The following FAM50B variants were observed in gnomAD, a reference collection of about 807,000 sequenced individuals.
FAM50B encodes the protein family with sequence similarity 50 member B, also known as protein FAM50B.
Under a neutral mutation model 25.4 loss-of-function variants are expected in FAM50B, and 9 were observed. The ratio of observed to expected loss-of-function variants is 0.35; its 90% CI spans 0.21 to 0.62. The LOEUF is 0.62. Among genes scored for constraint, FAM50B ranks in the 20% least tolerant of loss-of-function variants. The pLI is 0.73. For synonymous variants in FAM50B, 212 were observed against 204.3 expected, an observed-to-expected ratio of 1.04 and a Z score of -0.32; for missense variants, 372 against 477.9, an observed-to-expected ratio of 0.78 and a Z score of 2.07.
the FAM50B span, among the ~76,000 whole-genome samples, chr6:3,838,616 G>A: frequency 6.6e-6 from 1 of 152,232 alleles, no homozygotes; most frequent in Admixed American, 6.5e-5. Context: ...GGCCGAGGCA[G>A]GCAGAACATG....
chr6:3,848,400 C>G (rs1056596649), upstream of FAM50B, among the ~76,000 whole-genome samples: 55 of 152,278 alleles, frequency 3.6e-4, 1 homozygote, highest in African/African-American at 1.3e-3. Context: ...TGTGGAGGAA[C>G]GTCATTCCAG....
upstream of FAM50B, among the ~76,000 whole-genome samples, chr6:3,848,138 G>A (rs1035880271): frequency 2.6e-5 from 4 of 152,226 alleles, no homozygotes; most frequent in Admixed American, 1.3e-4. Context: ...CACGAAGTGA[G>A]CACATGCTGC....
upstream of FAM50B, among the ~76,000 whole-genome samples, chr6:3,845,210 C>G (rs985347697): frequency 2.0e-5 from 3 of 152,140 alleles, no homozygotes; most frequent in Non-Finnish European, 2.9e-5. Context: ...GTATATCAGA[C>G]TTTTAGGATA....
At chr6:3,840,101 C>T in the FAM50B span, among the ~76,000 whole-genome samples, 12 of 152,224 alleles carry the variant, frequency 7.9e-5, no homozygotes, top group African/African-American at 2.9e-4. Context: ...CACGCCATTC[C>T]CCTGCCTCAG....
At chr6:3,845,767 T>C (rs1458584579), upstream of FAM50B, among the ~76,000 whole-genome samples, 1 of 151,992 alleles carries the variant, frequency 6.6e-6, no homozygotes, top group African/African-American at 2.4e-5. Context: ...CAGGCTGGAG[T>C]GCAGTGGTGC....
the FAM50B span, among the ~76,000 whole-genome samples, chr6:3,840,942 G>A: frequency 1.3e-5 from 2 of 152,220 alleles, no homozygotes; most frequent in Admixed American, 1.3e-4. Flanking sequence ...AGGGATAAAT[G>A]TTAAGCAACC....
Position 3,850,604 on chromosome 6 carries a change from C to T in FAM50B, c.793C>T (p.Leu265Phe). The change falls in exon 2 of 2, where the codon CTC becomes TTC. Residue 265 changes from leucine (L) to phenylalanine (F), a missense_variant. Leu to Phe is a conservative substitution (Grantham distance 22). This residue lies in a region of FAM50B where 27 missense variants were observed against 61.6 expected (regional missense o/e 0.44). Transcript: ENST00000648326. ...CAGGGCGAGGGGCAAGAGCGGGCCGCTCTTCAGCTTCGATGTGCACGATGA... is the reference window on the plus strand; with the variant it reads ...CAGGGCGAGGGGCAAGAGCGGGCCGTTCTTCAGCTTCGATGTGCACGATGA... Reference protein sequence around the residue: ...IARARGKSGPLFSFDVHDDVR... With the variant: ...IARARGKSGPFFSFDVHDDVR... The T allele has an allele frequency of 1.9e-6, 3 of 1,614,142 alleles. No homozygotes were observed. The highest frequency in any genetic ancestry group is 2.2e-5 in the East Asian group (1 of 44,872).
the FAM50B span, among the ~76,000 whole-genome samples, chr6:3,837,218 G>A: frequency 6.6e-6 from 1 of 152,148 alleles, no homozygotes; most frequent in Non-Finnish European, 1.5e-5. Context: ...CCATAAATGA[G>A]CAACCGATAA....
At chr6:3,838,659 T>G in the FAM50B span, among the ~76,000 whole-genome samples, 1 of 151,912 alleles carries the variant, frequency 6.6e-6, no homozygotes, top group Non-Finnish European at 1.5e-5. Flanking sequence ...CTGGTCAATA[T>G]GGTGAAACCC....
the FAM50B span, among the ~76,000 whole-genome samples, chr6:3,840,665 T>C: frequency 1.1e-4 from 16 of 152,248 alleles, no homozygotes; most frequent in South Asian, 3.3e-3. Context: ...CATCAGCAAA[T>C]GAGCTCACAG....
At chr6:3,848,942 A>C (rs2113029377), upstream of FAM50B, among the ~76,000 whole-genome samples, 1 of 151,902 alleles carries the variant, frequency 6.6e-6, no homozygotes, top group African/African-American at 2.4e-5. Context: ...GGTAATGTTC[A>C]CGAGACGCCA....
In FAM50B at chr6:3,850,433, A is replaced by T; in HGVS notation, c.622A>T (p.Thr208Ser). ...CACGGTGCGGGTGCGCAAGGGCAACACGGTGCAGCAGTTCCTGAAGAAGGC... is the reference window on the plus strand; with the variant it reads ...CACGGTGCGGGTGCGCAAGGGCAACTCGGTGCAGCAGTTCCTGAAGAAGGC... The part of the protein sequence containing the change: ...RRTVRVRKGN[T>S]VQQFLKKALQ... Residue 208 changes from threonine (T) to serine (S), a missense_variant, in exon 2 of 2, where the codon ACG (threonine) becomes TCG (serine). Thr to Ser is a moderately conservative substitution (Grantham distance 58). Around this residue, in one of 4 missense-constraint regions of FAM50B, gnomAD observed 224 missense variants for 232.2 expected, o/e 0.96. Transcript: ENST00000648326. 5 of 1,613,440 alleles carry T rather than the reference A, an allele frequency of 3.1e-6. No individual in the cohort carries two copies. The highest frequency in any genetic ancestry group is 4.2e-6 in the Non-Finnish European group (5 of 1,179,934).
rs751588535 is a variant in FAM50B at position 3,850,500 on chromosome 6, C to G, written c.689C>G (p.Ala230Gly). The G allele has an allele frequency of 1.2e-6, 2 of 1,613,628 alleles. No homozygotes were observed. The highest frequency in any genetic ancestry group is 2.7e-5 in the African/African-American group (2 of 74,954). Residue 230 changes from alanine to glycine, a missense_variant, in exon 2 of 2, where the codon GCC becomes GGC. Physicochemically the swap from Ala to Gly is moderately conservative, Grantham distance 60. Transcript: ENST00000648326. ...AAGGACTTCCTGGAGCTGCGCTCCG[C>G]CGGCGTGGAGCAGCTCATGTTCATC... is the stretch of plus-strand genomic sequence containing the variant. Reference protein sequence around the residue: ...LRKDFLELRSAGVEQLMFIKE... With the variant: ...LRKDFLELRSGGVEQLMFIKE...
At chr6:3,835,420 T>C in the FAM50B span, among the ~76,000 whole-genome samples, 197 of 152,324 alleles carry the variant, frequency 1.3e-3, no homozygotes, top group African/African-American at 4.6e-3. Context: ...ATCCCTCCTC[T>C]GCCCTTTGGA....
the FAM50B span, among the ~76,000 whole-genome samples, chr6:3,837,380 AAAC>A: frequency 6.6e-6 from 1 of 152,198 alleles, no homozygotes; most frequent in Non-Finnish European, 1.5e-5. Flanking sequence ...AATAGTAAGA[AAAC>A]AAACAACCCA....
the FAM50B span, among the ~76,000 whole-genome samples, chr6:3,842,011 C>T: frequency 2.0e-4 from 31 of 152,250 alleles, no homozygotes; most frequent in African/African-American, 6.8e-4. Context: ...AGAGCAGCAG[C>T]TGCTGCCCCA....
At position 3,850,224 on chromosome 6, in the gene FAM50B, G is replaced by A. The variant is rs759890689; in HGVS notation, c.413G>A (p.Arg138His). 1 of 1,613,300 alleles carries A rather than the reference G, an allele frequency of 6.2e-7. No homozygotes were observed. Among genetic ancestry groups the A allele is most frequent in the Non-Finnish European group, 8.5e-7 (1 of 1,179,858 alleles). The change falls in exon 2 of 2, where the codon CGC becomes CAC. Residue 138 changes from arginine to histidine, a missense_variant. Transcript: ENST00000648326. The part of the protein sequence containing the change: ...DDQADAAEAR[R>H]AGNLGKNPDV... ...CAGGCCGACGCGGCCGAGGCCAGGC[G>A]CGCCGGAAACCTGGGCAAGAACCCC...
Position 3,850,747 on chromosome 6 carries a change from C to CTA in FAM50B, c.938_939dup (p.Asp314MetfsTer31). On this transcript the variant is annotated frameshift_variant, in exon 2 of 2. Transcript: ENST00000648326. LOFTEE classifies it high-confidence loss of function. ...TCTTCCCCGCCAGCCGCTGGGAGGC[C>CTA]TATGACCCCGAGAAGAAGTGGGACA... The CTA allele has an allele frequency of 6.2e-7, 1 of 1,614,018 alleles. No individual in the cohort carries two copies.
At chr6:3,834,727 G>A in the FAM50B span, among the ~76,000 whole-genome samples, 1 of 151,970 alleles carries the variant, frequency 6.6e-6, no homozygotes, top group Non-Finnish European at 1.5e-5. Context: ...TAAAAAACTG[G>A]TAAAATATAT....
Sources: allele counts gnomAD v4.1 joint callset (sites outside exome capture counted in the v4.1 genomes callset), GRCh38; gene constraint gnomAD v4.1.1; regional missense constraint gnomAD v4.1.1; transcripts MANE v1.5; gene names NCBI Gene and HGNC (gene_info 2026-07-23, HGNC 2026-07-21).